Variants in ABCC6 observed in about 807,000 individuals in gnomAD.
ABCC6 encodes ATP binding cassette subfamily C member 6.
In ABCC6, 126 loss-of-function variants were observed where a neutral mutation model predicts 169.5. That is an observed-to-expected ratio of 0.74 (90% CI 0.64 to 0.86). The LOEUF is 0.86. Among genes scored for constraint, ABCC6 ranks in the 40% least tolerant of loss-of-function variants. The probability of loss-of-function intolerance (pLI) is 0.00; values close to 1 mark genes in which losing one functional copy is unlikely to be tolerated. For missense variants in ABCC6, 1,733 were observed against 1,927.2 expected (o/e 0.90, Z 1.89); for synonymous variants, 752 against 814.7 (o/e 0.92, Z 1.31).
chr16:16,192,242 G>A (rs1596685535), intron 11 of ABCC6, among the ~76,000 whole-genome samples: 1 of 152,166 alleles, frequency 6.6e-6, no homozygotes, highest in South Asian at 2.1e-4. Context: ...AGATGTGTGG[G>A]GAAAGGCAGG....
At chr16:16,167,305 G>T (rs1310366410) in intron 22 of ABCC6, among the ~76,000 whole-genome samples, 5 of 152,174 alleles carry the variant, frequency 3.3e-5, no homozygotes, top group Admixed American at 1.3e-4. Flanking sequence ...TCATCTTACT[G>T]CCAGGGGGAG....
chr16:16,182,921 G>C lies in ABCC6; in HGVS notation c.1953C>G (p.Leu651=). The C allele has an allele frequency of 6.2e-7, 1 of 1,614,110 alleles. No individual in the cohort carries two copies. The highest frequency in any genetic ancestry group is 8.5e-7 in the Non-Finnish European group (1 of 1,179,980). ...CCAGCAGACAGCCCTGGGGCACCGT[G>C]AGGTTTATTCTGGACACGCAAGAGG... ...ESPPCLHRIN[L]TVPQGCLLAV... Residue 651 remains leucine (L), a synonymous_variant, in exon 16 of 31, where the codon CTC becomes CTG. Transcript: ENST00000205557.
chr16:16,154,349 C>G (rs1048478180), intron 29 of ABCC6, among the ~76,000 whole-genome samples: 2 of 152,106 alleles, frequency 1.3e-5, no homozygotes, highest in Admixed American at 1.3e-4. Context: ...AAAATAAATA[C>G]TGAGCAAGAG....
At chr16:16,168,527 A>G (rs1237850192) in intron 22 of ABCC6, among the ~76,000 whole-genome samples, 4 of 151,956 alleles carry the variant, frequency 2.6e-5, no homozygotes, top group African/African-American at 4.8e-5. Context: ...CCAAACTCAC[A>G]TGTGCACTCC....
chr16:16,176,146 C>T (rs1358452938), intron 19 of ABCC6, among the ~76,000 whole-genome samples, 160 bp from the exon 20 acceptor site: 1 of 152,192 alleles, frequency 6.6e-6, no homozygotes, highest in African/African-American at 2.4e-5. Flanking sequence ...TGAGTTCTTC[C>T]AGGAACATCC....
At chr16:16,186,168 G>C (rs2047648831) in intron 14 of ABCC6, among the ~76,000 whole-genome samples, 1 of 152,146 alleles carries the variant, frequency 6.6e-6, no homozygotes, top group Non-Finnish European at 1.5e-5. Context: ...CAAGGGGGAG[G>C]GTGTCTTGGC....
intron 25 of ABCC6, 150 bp from the exon 26 acceptor site, chr16:16,159,733 A>G: frequency 1.4e-6 from 1 of 719,052 alleles, no homozygotes; most frequent in Admixed American, 2.0e-5. Flanking sequence ...ACCTGGGCCC[A>G]GGGGATTGGG....
chr16:16,171,934 G>A (rs111984329), intron 21 of ABCC6, among the ~76,000 whole-genome samples: 31,091 of 96,746 alleles, frequency 0.32, 7,652 homozygotes, highest in South Asian at 0.65. Flanking sequence ...TGGATAAATG[G>A]GTGGGTGGGA....
In ABCC6 at chr16:16,192,898, C is replaced by G. The variant is rs67996819; in HGVS notation, c.1363G>C (p.Ala455Pro). 1 of 1,614,114 alleles carries G rather than the reference C, an allele frequency of 6.2e-7. No individual in the cohort carries two copies. Among genetic ancestry groups the G allele is most frequent in the Non-Finnish European group, 8.5e-7 (1 of 1,180,020 alleles). Residue 455 changes from alanine to proline, a missense_variant, in exon 11 of 31, where the codon GCC (alanine) becomes CCC (proline). Around this residue, in one of 5 missense-constraint regions of ABCC6, gnomAD observed 1,601 missense variants for 1,635.5 expected, o/e 0.98. Transcript: ENST00000205557. ...AGGAGGCTCAGGAAGACAGCGATGG[C>G]AGTGAGGGCGGAGGGCCCCAGGAGC... ...WQLLGPSALT[A>P]IAVFLSLLPL... is the part of the protein sequence containing the mutation.
chr16:16,150,387 A>T, intron 30 of ABCC6, 146 bp from the exon 31 acceptor site: 1 of 1,525,768 alleles, frequency 6.6e-7, no homozygotes, highest in East Asian at 2.4e-5. Context: ...GCTGGGTTGG[A>T]AGCGTGTGCT....
At chr16:16,155,079 G>A (rs775597443) in intron 27 of ABCC6, 48 bp from the exon 28 acceptor site, 32 of 1,531,368 alleles carry the variant, frequency 2.1e-5, no homozygotes, top group Non-Finnish European at 2.7e-5. Context: ...AGGGTTTGTG[G>A]GCATTTATTG....
At chr16:16,185,490 T>C (rs2047624590) in intron 14 of ABCC6, among the ~76,000 whole-genome samples, 1 of 152,282 alleles carries the variant, frequency 6.6e-6, no homozygotes, top group African/African-American at 2.4e-5. Flanking sequence ...GGGGGTGTTA[T>C]TAATTTCACT....
chr16:16,178,453 C>T (rs1386383067), intron 18 of ABCC6, among the ~76,000 whole-genome samples: 1 of 152,046 alleles, frequency 6.6e-6, no homozygotes, highest in African/African-American at 2.4e-5. Flanking sequence ...GCTCCTGCCG[C>T]CTTTCTTGTA....
At chr16:16,187,055 A>C in intron 14 of ABCC6, 69 bp downstream of exon 14, 1 of 1,393,996 alleles carries the variant, frequency 7.2e-7, no homozygotes, top group Non-Finnish European at 1.0e-6. Context: ...CTGGCTTGCC[A>C]TTATGGGCTG....
Position 16,162,459 on chromosome 16 carries a change from A to T in ABCC6, c.3506+534T>A, listed in dbSNP as rs536874664. Among the ~76,000 whole-genome samples, 11 of 152,324 alleles carry T rather than the reference A, an allele frequency of 7.2e-5. No homozygotes were observed. In the South Asian group the frequency reaches 2.3e-3, roughly 32 times the overall value. Reference sequence around the variant, plus strand: ...AGCTGTTAGCAGAATTAAATAAATTAATCTACATAGATTGCTCAGAACAGT... The same window carrying T: ...AGCTGTTAGCAGAATTAAATAAATTTATCTACATAGATTGCTCAGAACAGT... On this transcript the variant is annotated intron_variant, in intron 24 of 30. Transcript: ENST00000205557.
chr16:16,170,665 G>A (rs1009525038), intron 21 of ABCC6, among the ~76,000 whole-genome samples: 2 of 151,972 alleles, frequency 1.3e-5, no homozygotes, highest in African/African-American at 4.8e-5. Flanking sequence ...GCTCATACCT[G>A]TAAGCACTTT....
intron 22 of ABCC6, among the ~76,000 whole-genome samples, chr16:16,166,326 G>A (rs1234361373): frequency 6.6e-6 from 1 of 152,008 alleles, no homozygotes; most frequent in Non-Finnish European, 1.5e-5. Context: ...TGAGATGACA[G>A]GCATGAGCCA....
chr16:16,193,377 C>T (rs1469002879), intron 10 of ABCC6, among the ~76,000 whole-genome samples: 1 of 152,186 alleles, frequency 6.6e-6, no homozygotes, highest in East Asian at 1.9e-4. Flanking sequence ...GGGTTGCTCT[C>T]TCTATGGAGT....
At chr16:16,157,518 C>G (rs1425953469) in intron 27 of ABCC6, 145 bp downstream of exon 27, 3 of 1,072,096 alleles carry the variant, frequency 2.8e-6, no homozygotes, top group African/African-American at 3.1e-5. Flanking sequence ...GTGAGGAGTT[C>G]ATTTTAGGGG....
Sources: allele counts gnomAD v4.1 joint callset (sites outside exome capture counted in the v4.1 genomes callset), GRCh38; gene constraint gnomAD v4.1.1; regional missense constraint gnomAD v4.1.1; transcripts MANE v1.5; gene names NCBI Gene and HGNC (gene_info 2026-07-23, HGNC 2026-07-21).